SIPA1L3: variants seen among roughly 807,000 people sequenced by gnomAD.
SIPA1L3 encodes signal-induced proliferation-associated 1-like protein 3.
SIPA1L3 carries 59 observed loss-of-function variants against 150.1 expected under a neutral mutation model. That is an observed-to-expected ratio of 0.39 (90% CI 0.32 to 0.49). SIPA1L3 has a LOEUF of 0.49. Ranked by LOEUF, SIPA1L3 falls within the 20% of genes least tolerant of loss-of-function variation. The probability of loss-of-function intolerance (pLI) is 0.86; values close to 1 mark genes in which losing one functional copy is unlikely to be tolerated. For missense variants in SIPA1L3, 2,211 were observed against 2,489.5 expected (o/e 0.89, Z 2.38); for synonymous variants, 1,070 against 1,077.6 (o/e 0.99, Z 0.14).
intron 1 of SIPA1L3, among the ~76,000 whole-genome samples, chr19:37,991,146 C>T (rs1022519540): frequency 1.3e-5 from 2 of 152,210 alleles, no homozygotes; most frequent in South Asian, 4.1e-4. Flanking sequence ...GCATGAGAAT[C>T]GCTTGAACCT....
At chr19:37,946,628 T>G (rs112477018) in intron 1 of SIPA1L3, among the ~76,000 whole-genome samples, 1,761 of 152,340 alleles carry the variant, frequency 0.012, 35 homozygotes, top group African/African-American at 0.04. Flanking sequence ...CTTTACATGT[T>G]GAAGATATGA....
At chr19:38,057,500 A>G (rs1969346509) in intron 2 of SIPA1L3, among the ~76,000 whole-genome samples, 1 of 151,906 alleles carries the variant, frequency 6.6e-6, no homozygotes, top group South Asian at 2.1e-4. Context: ...CTAGGGGTTG[A>G]TAATTTCTTT....
chr19:38,036,467 G>A (rs1310165463), intron 2 of SIPA1L3, among the ~76,000 whole-genome samples: 1 of 152,220 alleles, frequency 6.6e-6, no homozygotes, highest in African/African-American at 2.4e-5. Flanking sequence ...TGAAGGCAGT[G>A]GAGGCTTTGG....
chr19:37,913,333 C>G (rs2145468540), intron 1 of SIPA1L3, among the ~76,000 whole-genome samples: 1 of 152,242 alleles, frequency 6.6e-6, no homozygotes, highest in Middle Eastern at 3.4e-3. Context: ...GTCAACAAGA[C>G]AGACAAGATC....
intron 1 of SIPA1L3, among the ~76,000 whole-genome samples, chr19:38,023,747 G>C (rs1300572589): frequency 2.0e-5 from 3 of 152,210 alleles, no homozygotes; most frequent in African/African-American, 7.2e-5. Context: ...CGGCACAGAA[G>C]AGAAAGGCCT....
At chr19:37,934,021 C>T (rs980928452) in intron 1 of SIPA1L3, among the ~76,000 whole-genome samples, 1 of 152,190 alleles carries the variant, frequency 6.6e-6, no homozygotes, top group African/African-American at 2.4e-5. Flanking sequence ...AGCCATCTCC[C>T]CTGCTTTAAT....
At chr19:38,013,305 C>G (rs1044719245) in intron 1 of SIPA1L3, among the ~76,000 whole-genome samples, 3 of 152,074 alleles carry the variant, frequency 2.0e-5, no homozygotes, top group Non-Finnish European at 4.4e-5. Context: ...AAAGAACGAC[C>G]TGAAGGAGAA....
rs1040130822 is a variant in SIPA1L3 at position 37,927,178 on chromosome 19, C to G, written c.-379+19820C>G. On this transcript the variant is annotated intron_variant, in intron 1 of 21. Coordinates refer to ENST00000222345, the MANE Select transcript of SIPA1L3 (RefSeq NM_015073.3). ...TTTTTTTTTGAGATGGAGTCTCGCT[C>G]TGTCACCCAGGGTGGAGTGTAGTGG... Among the ~76,000 whole-genome samples the G allele has an allele frequency of 2.8e-5, 4 of 140,778 alleles. No individual in the cohort carries two copies. In the East Asian group the frequency reaches 6.3e-4, roughly 22 times the overall value. The allele number at this position is 140,778 out of a possible 152,430, so 92.4% of individuals were successfully genotyped here.
intron 20 of SIPA1L3, among the ~76,000 whole-genome samples, chr19:38,202,697 C>T (rs1412443188): frequency 6.6e-6 from 1 of 152,216 alleles, no homozygotes; most frequent in Non-Finnish European, 1.5e-5. Context: ...TCTGCTCCTT[C>T]GTCTCCTCCT....
At chr19:38,055,298 A>T (rs1273463280) in intron 2 of SIPA1L3, among the ~76,000 whole-genome samples, 2 of 152,198 alleles carry the variant, frequency 1.3e-5, no homozygotes, top group African/African-American at 4.8e-5. Context: ...TGGGGGGTGC[A>T]GGGACAGGGA....
At chr19:38,142,172 T>C (rs1330121528) in intron 11 of SIPA1L3, among the ~76,000 whole-genome samples, 3 of 152,128 alleles carry the variant, frequency 2.0e-5, no homozygotes, top group Admixed American at 2.0e-4. Context: ...ATGACAAATA[T>C]AACTTAACAG....
rs145645822 is a variant in SIPA1L3, at chr19:37,925,232, C to A, written c.-379+17874C>A. On this transcript the variant is annotated intron_variant, in intron 1 of 21. Coordinates refer to ENST00000222345, the MANE Select transcript of SIPA1L3 (RefSeq NM_015073.3). ...AATAGGAATTTTTCAGCTCCATGGT[C>A]GTCTTGTGGGACCACCCTTGTAAAT... Among the ~76,000 whole-genome samples the A allele has an allele frequency of 4.7e-3, 723 of 152,234 alleles. 7 individuals carry two copies. The highest frequency in any genetic ancestry group is 6.8e-3 in the Middle Eastern group (2 of 292).
At chr19:38,178,247 A>G (rs1972485345) in intron 15 of SIPA1L3, among the ~76,000 whole-genome samples, 1 of 151,496 alleles carries the variant, frequency 6.6e-6, no homozygotes, top group Non-Finnish European at 1.5e-5. Flanking sequence ...TCACAACTGT[A>G]ATCCTAGCAC....
At chr19:37,991,601 G>A (rs1357136945) in intron 1 of SIPA1L3, among the ~76,000 whole-genome samples, 2 of 152,232 alleles carry the variant, frequency 1.3e-5, no homozygotes, top group Non-Finnish European at 2.9e-5. Flanking sequence ...TGAGTTCAGT[G>A]GGCCCATTGT....
At chr19:37,939,075 A>T (rs1368240393) in intron 1 of SIPA1L3, among the ~76,000 whole-genome samples, 1 of 152,022 alleles carries the variant, frequency 6.6e-6, no homozygotes, top group East Asian at 1.9e-4. Context: ...TTCTCCCCCC[A>T]ATTCCATGAT....
At chr19:38,051,310 T>C (rs936157462) in intron 2 of SIPA1L3, among the ~76,000 whole-genome samples, 1 of 152,226 alleles carries the variant, frequency 6.6e-6, no homozygotes, top group Non-Finnish European at 1.5e-5. Flanking sequence ...CTGTATCATA[T>C]GGACATATCA....
intron 1 of SIPA1L3, among the ~76,000 whole-genome samples, chr19:37,960,650 G>A (rs1417944546): frequency 2.6e-5 from 4 of 151,350 alleles, no homozygotes; most frequent in Non-Finnish European, 5.9e-5. Flanking sequence ...CTTGCAATCC[G>A]CCTGCCTTGG....
chr19:38,056,153 G>T (rs560195501), intron 2 of SIPA1L3, among the ~76,000 whole-genome samples: 1 of 152,342 alleles, frequency 6.6e-6, no homozygotes, highest in East Asian at 1.9e-4. Context: ...AGCACCTCTT[G>T]ATCTGAGGAG....
intron 1 of SIPA1L3, among the ~76,000 whole-genome samples, chr19:37,977,281 C>T (rs1451728594): frequency 6.6e-6 from 1 of 152,148 alleles, no homozygotes; most frequent in Non-Finnish European, 1.5e-5. Context: ...TCTTCTGCCT[C>T]AGCCTCCCAA....
Sources: allele counts gnomAD v4.1 joint callset (sites outside exome capture counted in the v4.1 genomes callset), GRCh38; gene constraint gnomAD v4.1.1; transcripts MANE v1.5; gene names NCBI Gene and HGNC (gene_info 2026-07-23, HGNC 2026-07-21).